GUCY1A2: variants seen among roughly 807,000 people sequenced by gnomAD.
GUCY1A2 encodes the protein guanylate cyclase 1 soluble subunit alpha 2.
In GUCY1A2, 27 loss-of-function variants were observed where a neutral mutation model predicts 63.5. The ratio of observed to expected loss-of-function variants is 0.43; its 90% CI spans 0.31 to 0.59. The LOEUF (loss-of-function observed/expected upper bound fraction) is 0.59. Among genes scored for constraint, GUCY1A2 ranks in the 20% least tolerant of loss-of-function variants. GUCY1A2 has a pLI of 0.11. For synonymous variants in GUCY1A2, 364 were observed against 343.5 expected, an observed-to-expected ratio of 1.06 and a Z score of -0.66; for missense variants, 768 against 913.3, an observed-to-expected ratio of 0.84 and a Z score of 2.05.
At chr11:106,835,810 AAC>A (rs1469514740) in intron 4 of GUCY1A2, among the ~76,000 whole-genome samples, 1 of 151,618 alleles carries the variant, frequency 6.6e-6, no homozygotes, top group African/African-American at 2.4e-5. Context: ...TAATGAGATC[AAC>A]ACAAACCAAG....
chr11:106,956,388 T>C (rs1452304288), intron 3 of GUCY1A2, among the ~76,000 whole-genome samples: 2 of 152,232 alleles, frequency 1.3e-5, no homozygotes, highest in African/African-American at 4.8e-5. Flanking sequence ...TTTCATTGAT[T>C]CTTTCTTACC....
At chr11:106,885,281 T>G (rs1250829173) in intron 4 of GUCY1A2, among the ~76,000 whole-genome samples, 1 of 152,142 alleles carries the variant, frequency 6.6e-6, no homozygotes. Context: ...GTAGACAACT[T>G]TTGCATGTTA....
At chr11:106,784,184 T>G (rs1255240418) in intron 5 of GUCY1A2, among the ~76,000 whole-genome samples, 1 of 152,162 alleles carries the variant, frequency 6.6e-6, no homozygotes, top group East Asian at 1.9e-4. Flanking sequence ...TCCTCCCCTT[T>G]CCTGCTGTTA....
Position 106,677,186 on chromosome 11 carries a change from G to A in GUCY1A2, c.*10363C>T, listed in dbSNP as rs1379122598. 4.5e-6 allele frequency: 1 copy of A among 221,074 alleles called. No homozygotes were observed. Among genetic ancestry groups the A allele is most frequent in the Non-Finnish European group, 9.1e-6 (1 of 109,970 alleles). 13.7% of individuals were successfully genotyped at this position (221,074 alleles called of 1,614,324 possible). ...TAAAGCAAAGAGGGAGGGAAGGAAA[G>A]GAAGGAAAGGAAGGAAGGAAGGAAG... On this transcript the variant is annotated 3_prime_UTR_variant, in exon 8 of 8. Coordinates refer to ENST00000526355, the MANE Select transcript of GUCY1A2 (RefSeq NM_000855.3).
chr11:106,863,079 G>T (rs866763700), intron 4 of GUCY1A2, among the ~76,000 whole-genome samples: 1 of 151,976 alleles, frequency 6.6e-6, no homozygotes, highest in African/African-American at 2.4e-5. Flanking sequence ...GATTTGTATC[G>T]AGGCTAAACA....
In GUCY1A2 at chr11:106,756,841, C is replaced by T. The variant is rs552698035; in HGVS notation, c.1836+19598G>A. Among the ~76,000 whole-genome samples the T allele has an allele frequency of 2.0e-4, 30 of 152,222 alleles. No homozygotes were observed. The South Asian group carries it at 4.6e-3, about 23-fold the overall frequency. ...TTATGTTTCTTGGGGTTGCTCTTCT[C>T]GAGGAATATCTTTGTGGTGGTCTCT... On this transcript the variant is annotated intron_variant, in intron 6 of 7. Coordinates refer to ENST00000526355, the MANE Select transcript of GUCY1A2 (RefSeq NM_000855.3).
chr11:106,733,181 T>C (rs1863532571), intron 6 of GUCY1A2, among the ~76,000 whole-genome samples: 1 of 151,642 alleles, frequency 6.6e-6, no homozygotes, highest in African/African-American at 2.4e-5. Context: ...TGCAATCTTT[T>C]AGTGAGTTGT....
At chr11:106,957,889 T>C (rs57286270) in intron 3 of GUCY1A2, among the ~76,000 whole-genome samples, 52,061 of 98,810 alleles carry the variant, frequency 0.53, 13,258 homozygotes, top group East Asian at 0.62. Context: ...TTTTTTTTTT[T>C]CAGAAAAAAA....
rs533889871 is a variant in GUCY1A2 at position 106,683,474 on chromosome 11, C to T, written c.*4075G>A. 4.8e-5 allele frequency: 11 copies of T among 227,340 alleles called. No individual in the cohort carries two copies. Among genetic ancestry groups the T allele is most frequent in the African/African-American group, 2.4e-4 (11 of 45,172 alleles). 14.1% of individuals were successfully genotyped at this position (227,340 alleles called of 1,614,324 possible). A position where few individuals can be genotyped will look rare whatever the true frequency, so the allele number is the denominator to read the frequency against. ...GGTGAAGCTGCAGATATAATCAATGCCCCGGCACATCCAGTTCATTACTAC... is the reference window on the plus strand; with the variant it reads ...GGTGAAGCTGCAGATATAATCAATGTCCCGGCACATCCAGTTCATTACTAC... On this transcript the variant is annotated 3_prime_UTR_variant, in exon 8 of 8. Coordinates refer to ENST00000526355, the MANE Select transcript of GUCY1A2 (RefSeq NM_000855.3).
intron 6 of GUCY1A2, among the ~76,000 whole-genome samples, chr11:106,764,288 A>T (rs927138623): frequency 1.3e-5 from 2 of 152,096 alleles, no homozygotes; most frequent in African/African-American, 4.8e-5. Flanking sequence ...TTTTAAGGAA[A>T]ATTAAAGTTA....
chr11:106,766,854 G>T (rs1864172963), intron 6 of GUCY1A2, among the ~76,000 whole-genome samples: 1 of 152,006 alleles, frequency 6.6e-6, no homozygotes, highest in South Asian at 2.1e-4. Context: ...CTAAGAAAGG[G>T]ACCATATGCT....
chr11:106,732,855 A>G (rs1863527736), intron 6 of GUCY1A2, among the ~76,000 whole-genome samples: 1 of 152,192 alleles, frequency 6.6e-6, no homozygotes, highest in African/African-American at 2.4e-5. Flanking sequence ...GAGAAAAGAT[A>G]TCAGAAACAA....
At position 106,844,347 on chromosome 11, in the gene GUCY1A2, G is replaced by T. The variant is rs567103899; in HGVS notation, c.1207-33869C>A. On this transcript the variant is annotated intron_variant, in intron 4 of 7. Coordinates refer to ENST00000526355, the MANE Select transcript of GUCY1A2 (RefSeq NM_000855.3). Reference sequence around the variant, plus strand: ...TTTTCCATGTTTTTATGTAGTATATGTATTTATGAGTTCGGAATATGTGCA... The same window carrying T: ...TTTTCCATGTTTTTATGTAGTATATTTATTTATGAGTTCGGAATATGTGCA... Among the ~76,000 whole-genome samples the T allele has an allele frequency of 2.0e-5, 3 of 151,822 alleles. No homozygotes were observed. The South Asian group carries it at 6.2e-4, about 31-fold the overall frequency.
chr11:106,792,839 T>C (rs1864688305), intron 5 of GUCY1A2, among the ~76,000 whole-genome samples: 1 of 152,166 alleles, frequency 6.6e-6, no homozygotes, highest in Non-Finnish European at 1.5e-5. Context: ...ATGTGAATGA[T>C]GTGTACATTG....
chr11:106,817,674 T>C (rs1173435226), intron 4 of GUCY1A2, among the ~76,000 whole-genome samples: 1 of 151,914 alleles, frequency 6.6e-6, no homozygotes, highest in Admixed American at 6.6e-5. Flanking sequence ...CCAAATTAAA[T>C]GGGCAAAAGG....
intron 4 of GUCY1A2, among the ~76,000 whole-genome samples, chr11:106,935,131 G>T (rs1860658327): frequency 6.6e-6 from 1 of 152,106 alleles, no homozygotes; most frequent in Non-Finnish European, 1.5e-5. Context: ...CTTTATTAAG[G>T]AGACAAGCAG....
intron 4 of GUCY1A2, among the ~76,000 whole-genome samples, chr11:106,862,072 C>A (rs1452462774): frequency 2.0e-5 from 3 of 151,962 alleles, no homozygotes; most frequent in Admixed American, 2.0e-4. Flanking sequence ...ACACAGATGA[C>A]CTTAAGTGCT....
intron 3 of GUCY1A2, among the ~76,000 whole-genome samples, chr11:106,961,679 G>T (rs1268380531): frequency 6.6e-6 from 1 of 152,160 alleles, no homozygotes; most frequent in Non-Finnish European, 1.5e-5. Flanking sequence ...AAAGAAGCAA[G>T]CTGACTTTTC....
chr11:106,739,911 C>T (rs1863661085), intron 6 of GUCY1A2, among the ~76,000 whole-genome samples: 2 of 152,154 alleles, frequency 1.3e-5, no homozygotes, highest in African/African-American at 4.8e-5. Context: ...GAGTTTAGCT[C>T]CTCAGAGGTC....
Sources: gnomAD v4.1 joint callset for allele counts (sites outside exome capture counted in the v4.1 genomes callset) on GRCh38, gnomAD v4.1.1 for gene constraint, MANE v1.5 for transcripts, NCBI Gene and HGNC (gene_info 2026-07-23, HGNC 2026-07-21) for gene names.